Variants in BMERB1 observed in about 807,000 individuals in gnomAD.
The protein encoded by BMERB1 is bMERB domain containing 1.
In BMERB1, 12 loss-of-function variants were observed where a neutral mutation model predicts 23.6. That is an observed-to-expected ratio of 0.51 (90% CI 0.33 to 0.82). The LOEUF is 0.82. BMERB1 is among the 40% of genes least tolerant of loss of function. The pLI, the probability that BMERB1 is intolerant of heterozygous loss-of-function variation, is 0.03. For missense variants in BMERB1, 247 were observed against 255.4 expected (o/e 0.97, Z 0.22); for synonymous variants, 122 against 96.6 (o/e 1.26, Z -1.54).
intron 1 of BMERB1, among the ~76,000 whole-genome samples, chr16:15,507,021 C>T (rs930964618): frequency 3.9e-5 from 6 of 152,110 alleles, no homozygotes; most frequent in African/African-American, 1.2e-4. Context: ...ATCATGGCTC[C>T]GGTAAACACC....
chr16:15,513,798 G>A (rs957813847), intron 1 of BMERB1, among the ~76,000 whole-genome samples: 10 of 152,056 alleles, frequency 6.6e-5, no homozygotes, highest in Admixed American at 2.0e-4. Context: ...GGAGACTGAC[G>A]CAGGAGAATC....
intron 2 of BMERB1, among the ~76,000 whole-genome samples, chr16:15,533,629 C>T (rs71376070): frequency 2.9e-3 from 434 of 152,256 alleles, no homozygotes; most frequent in Middle Eastern, 0.01. Context: ...GAGTCTTTCT[C>T]CTGGGATGCA....
At chr16:15,489,777 C>G (rs1161333391) in intron 1 of BMERB1, among the ~76,000 whole-genome samples, 1 of 152,106 alleles carries the variant, frequency 6.6e-6, no homozygotes, top group East Asian at 1.9e-4. Flanking sequence ...TTTCTATCTT[C>G]CCCCAAACAT....
At chr16:15,566,671 TAAAAA>T (rs1026042692) in intron 2 of BMERB1, among the ~76,000 whole-genome samples, 3 of 150,730 alleles carry the variant, frequency 2.0e-5, no homozygotes, top group South Asian at 2.1e-4. Flanking sequence ...CTAAAAAAAA[TAAAAA>T]TAAAAATAAA....
intron 2 of BMERB1, among the ~76,000 whole-genome samples, chr16:15,555,894 T>C (rs2030240087): frequency 6.6e-6 from 1 of 152,014 alleles, no homozygotes; most frequent in South Asian, 2.1e-4. Flanking sequence ...TAATAGCACA[T>C]GCTGGCCAGG....
rs35159147 is a variant in BMERB1, at chr16:15,541,905, ATTT to A, written c.231-26060_231-26058del. Among the ~76,000 whole-genome samples, 371 of 110,038 alleles carry A rather than the reference ATTT, an allele frequency of 3.4e-3. 4 individuals carry two copies. The highest frequency in any genetic ancestry group is 0.011 in the African/African-American group (343 of 32,544). 72.2% of individuals were successfully genotyped at this position (110,038 alleles called of 152,430 possible). A position where few individuals can be genotyped will look rare whatever the true frequency, so the allele number is the denominator to read the frequency against. On this transcript the variant is annotated intron_variant, in intron 2 of 5. Transcript: ENST00000300006. ...GCTTGAGCCACCATACCCGGCCTAA[ATTT>A]TTTTTTTTTTTTTTTTTGGTAGAGA...
intron 2 of BMERB1, among the ~76,000 whole-genome samples, chr16:15,527,236 T>C (rs1339460585): frequency 6.6e-6 from 1 of 152,160 alleles, no homozygotes; most frequent in Non-Finnish European, 1.5e-5. Context: ...ACTCCCCATT[T>C]TCCCTTTCCC....
At chr16:15,520,983 T>C (rs1339297413) in intron 2 of BMERB1, among the ~76,000 whole-genome samples, 2 of 151,900 alleles carry the variant, frequency 1.3e-5, no homozygotes, top group East Asian at 3.9e-4. Context: ...GATTGCTTCC[T>C]TGCTCCTCCC....
rs201579006 is a variant in BMERB1, at chr16:15,461,936, AAAC to A, written c.106+27197_106+27199del. Among the ~76,000 whole-genome samples, 50 of 151,892 alleles carry A rather than the reference AAAC, an allele frequency of 3.3e-4. No individual in the cohort carries two copies. The Middle Eastern group carries it at 0.024, about 72-fold the overall frequency. ...GTAACAGGAAGACCCTGTTTCACCA[AAAC>A]AACAACAACAACAACAACAGCAGCA... On this transcript the variant is annotated intron_variant, in intron 1 of 5. Coordinates refer to ENST00000300006, the MANE Select transcript of BMERB1 (RefSeq NM_033201.3).
At chr16:15,500,126 C>T (rs1232261803) in intron 1 of BMERB1, among the ~76,000 whole-genome samples, 2 of 152,308 alleles carry the variant, frequency 1.3e-5, no homozygotes, top group East Asian at 3.9e-4. Flanking sequence ...GTGGAGTCCC[C>T]TCCACAGAGA....
chr16:15,586,731 A>G lies in BMERB1; in HGVS notation c.517A>G (p.Lys173Glu). 5 of 1,611,062 alleles carry G rather than the reference A, an allele frequency of 3.1e-6. No homozygotes were observed. Among genetic ancestry groups the G allele is most frequent in the Non-Finnish European group, 3.4e-6 (4 of 1,179,042 alleles). ...TKSPASSRAE[K>E]KAEPPPSKPT... ...TCTTGCTGCAGGCTCCCGGGCAGAG[A>G]AGAAAGCAGAGCCCCCACCTAGCAA... Residue 173 changes from lysine (K) to glutamate (E), a missense_variant, in exon 6 of 6, where the codon AAG becomes GAG. Transcript: ENST00000300006.
chr16:15,435,926 C>CT (rs891812480), intron 1 of BMERB1, among the ~76,000 whole-genome samples: 50 of 151,524 alleles, frequency 3.3e-4, no homozygotes, highest in Non-Finnish European at 2.1e-4. Context: ...CTTTCCTTTT[C>CT]TTTTTTTTTC....
intron 3 of BMERB1, among the ~76,000 whole-genome samples, chr16:15,577,543 T>C (rs1348048956): frequency 6.6e-6 from 1 of 152,166 alleles, no homozygotes; most frequent in Non-Finnish European, 1.5e-5. Flanking sequence ...AGAGCAGGAA[T>C]GAAAGGCAGT....
intron 1 of BMERB1, among the ~76,000 whole-genome samples, chr16:15,479,394 C>G (rs973976568): frequency 6.6e-6 from 1 of 152,094 alleles, no homozygotes; most frequent in African/African-American, 2.4e-5. Flanking sequence ...GTAAGATAGA[C>G]CAATGAATTC....
chr16:15,454,072 A>AG (rs1240756545), intron 1 of BMERB1, among the ~76,000 whole-genome samples: 1 of 151,948 alleles, frequency 6.6e-6, no homozygotes, highest in African/African-American at 2.4e-5. Context: ...TCTGCTCTCT[A>AG]GGGGGGCACC....
chr16:15,519,140 A>G (rs1224454498), intron 2 of BMERB1, among the ~76,000 whole-genome samples: 1 of 151,254 alleles, frequency 6.6e-6, no homozygotes, highest in East Asian at 1.9e-4. Context: ...GTAGGAGAGA[A>G]AAAAATTTCA....
rs182837835 is a variant in BMERB1 at position 15,564,407 on chromosome 16, T to C, written c.231-3576T>C. Reference sequence around the variant, plus strand: ...AACCCATATTTCTGAGATGCCATTATTCCGAGCTAAATAAGAGATAATCAC... The same window carrying C: ...AACCCATATTTCTGAGATGCCATTACTCCGAGCTAAATAAGAGATAATCAC... On this transcript the variant is annotated intron_variant, in intron 2 of 5. Transcript: ENST00000300006. 5.3e-4 allele frequency among the ~76,000 whole-genome samples: 81 copies of C among 152,350 alleles called. 1 individual carries two copies. The highest frequency in any genetic ancestry group is 9.8e-4 in the Non-Finnish European group (67 of 68,036).
intron 1 of BMERB1, among the ~76,000 whole-genome samples, chr16:15,471,727 A>C (rs2051230543): frequency 6.6e-6 from 1 of 152,104 alleles, no homozygotes. Flanking sequence ...CTGGAACTAC[A>C]AGCATGCACC....
chr16:15,582,080 CCAA>C (rs1352160217), intron 4 of BMERB1, among the ~76,000 whole-genome samples: 1 of 152,206 alleles, frequency 6.6e-6, no homozygotes, highest in Non-Finnish European at 1.5e-5. Context: ...ATGAGAGAAA[CCAA>C]CTTTTCCCTC....
Sources: allele counts gnomAD v4.1 joint callset (sites outside exome capture counted in the v4.1 genomes callset), GRCh38; gene constraint gnomAD v4.1.1; transcripts MANE v1.5; gene names NCBI Gene and HGNC (gene_info 2026-07-23, HGNC 2026-07-21).